The following OPRK1 variants were observed in gnomAD, a reference collection of about 807,000 sequenced individuals.
OPRK1 encodes kappa-type opioid receptor.
Under a neutral mutation model 24.5 loss-of-function variants are expected in OPRK1, and 15 were observed. The observed-to-expected ratio is 0.61, with a 90% CI of 0.41 to 0.94. The LOEUF (loss-of-function observed/expected upper bound fraction) is 0.94. Among genes scored for constraint, OPRK1 ranks in the 40% least tolerant of loss-of-function variants. The pLI, the probability that OPRK1 is intolerant of heterozygous loss-of-function variation, is 0.00. For synonymous variants in OPRK1, 205 were observed against 198.0 expected (o/e 1.04, Z -0.30); for missense variants, 479 against 507.3 (o/e 0.94, Z 0.54).
intron 2 of OPRK1, among the ~76,000 whole-genome samples, chr8:53,238,237 G>C (rs76141583): frequency 0.011 from 1,638 of 152,240 alleles, 7 homozygotes; most frequent in Non-Finnish European, 0.016. Flanking sequence ...GCTATGATAT[G>C]AAATTATTTT....
Position 53,229,359 on chromosome 8 carries a change from G to C in OPRK1, c.1081C>G (p.Arg361Gly). 1 of 1,614,098 alleles carries C rather than the reference G, an allele frequency of 6.2e-7. No homozygotes were observed. Among genetic ancestry groups the C allele is most frequent in the Non-Finnish European group, 8.5e-7 (1 of 1,180,020 alleles). Residue 361 changes from arginine (R) to glycine (G), a missense_variant, in exon 4 of 4, where the codon CGA becomes GGA. Arg to Gly is a moderately radical substitution (Grantham distance 125). Coordinates refer to ENST00000265572, the MANE Select transcript of OPRK1 (RefSeq NM_000912.5). ...TAAGCAGGATCCTGAACTGTATTTCGGACTCTGCTAGTGCTCTGCCGCTCC... is the reference window on the plus strand; with the variant it reads ...TAAGCAGGATCCTGAACTGTATTTCCGACTCTGCTAGTGCTCTGCCGCTCC... ...RMERQSTSRV[R>G]NTVQDPAYLR...
chr8:53,248,076 A>T (rs973969481), intron 2 of OPRK1, among the ~76,000 whole-genome samples: 2 of 149,932 alleles, frequency 1.3e-5, no homozygotes, highest in African/African-American at 2.5e-5. Flanking sequence ...CCAAAGCCTG[A>T]TGAGTGAGGG....
At chr8:53,251,413 T>G in intron 1 of OPRK1, 35 bp downstream of exon 1, 3 of 256,830 alleles carry the variant, frequency 1.2e-5, no homozygotes, top group East Asian at 1.8e-4. Flanking sequence ...CACGGAGCTC[T>G]ACCTAGAACT....
chr8:53,245,022 T>C (rs550831765), intron 2 of OPRK1, among the ~76,000 whole-genome samples: 39 of 152,336 alleles, frequency 2.6e-4, no homozygotes, highest in Non-Finnish European at 4.3e-4. Flanking sequence ...AGATTACTTA[T>C]AATACCTACT....
At chr8:53,232,131 C>A (rs1806868561) in intron 3 of OPRK1, among the ~76,000 whole-genome samples, 1 of 151,528 alleles carries the variant, frequency 6.6e-6, no homozygotes, top group African/African-American at 2.4e-5. Context: ...TCAAGCCAGG[C>A]ACAGAAAGAC....
In OPRK1 at chr8:53,233,919, C is replaced by G. The variant is rs570711045; in HGVS notation, c.610+840G>C. 1.2e-4 allele frequency among the ~76,000 whole-genome samples: 18 copies of G among 152,154 alleles called. No individual in the cohort carries two copies. In the South Asian group the frequency reaches 3.1e-3, roughly 26 times the overall value. On this transcript the variant is annotated intron_variant, in intron 3 of 3. Coordinates refer to ENST00000265572, the MANE Select transcript of OPRK1 (RefSeq NM_000912.5). Reference sequence around the variant, plus strand: ...TACAGGAAAAACATCAACAGGGGGCCGGGCGCAGTGGCTCACGCCTGTAAT... The same window carrying G: ...TACAGGAAAAACATCAACAGGGGGCGGGGCGCAGTGGCTCACGCCTGTAAT...
rs1226635954 is a variant in OPRK1 at position 53,227,410 on chromosome 8, T to C, written c.*1887A>G. ...TTTTCCTGTTCCATAAAGAAGTTTT[T>C]ATATTTCCTATTTCACCAGGGCTTG... On this transcript the variant is annotated 3_prime_UTR_variant, in exon 4 of 4. Transcript: ENST00000265572. 1 of 152,244 alleles carries C rather than the reference T, an allele frequency of 6.6e-6. No individual in the cohort carries two copies. The highest frequency in any genetic ancestry group is 1.9e-4 in the East Asian group (1 of 5,192). The allele number at this position is 152,244 out of a possible 1,614,324, so 9.4% of individuals were successfully genotyped here.
intron 3 of OPRK1, among the ~76,000 whole-genome samples, chr8:53,231,501 A>C (rs977044388): frequency 9.9e-5 from 15 of 152,116 alleles, no homozygotes; most frequent in Admixed American, 9.2e-4. Context: ...TCTGTCTCTT[A>C]AATTGTCCTC....
chr8:53,225,771 G>A lies in OPRK1; in HGVS notation c.*3526C>T, dbSNP rs191507215. The A allele has an allele frequency of 1.0e-4, 16 of 152,682 alleles. No individual in the cohort carries two copies. Among genetic ancestry groups the A allele is most frequent in the Admixed American group, 5.2e-4 (8 of 15,300 alleles). The allele number at this position is 152,682 out of a possible 1,614,324, so 9.5% of individuals were successfully genotyped here. ...TGATTTTATTGCAAGGCACACAATC[G>A]TATATACAATGCATAATTATCATCT... is the stretch of plus-strand genomic sequence containing the variant. On this transcript the variant is annotated 3_prime_UTR_variant, in exon 4 of 4. Transcript: ENST00000265572.
chr8:53,229,635 G>C lies in OPRK1; in HGVS notation c.805C>G (p.Leu269Val). 4 of 1,614,154 alleles carry C rather than the reference G, an allele frequency of 2.5e-6. No individual in the cohort carries two copies. The South Asian group carries it at 4.4e-5, about 18-fold the overall frequency. Residue 269 changes from leucine (L) to valine (V), a missense_variant, in exon 4 of 4, where the codon CTG becomes GTG. Transcript: ENST00000265572. Reference protein sequence around the residue: ...LSGSREKDRNLRRITRLVLVV... With the variant: ...LSGSREKDRNVRRITRLVLVV... The stretch of plus-strand genomic sequence containing the variant: ...AGGACCAGTCTGGTGATCCTACGCA[G>C]GTTGCGATCTTTCTCTCGGGAGCCA...
At chr8:53,238,873 C>G (rs77976650) in intron 2 of OPRK1, 4,002 of 169,632 alleles carry the variant, frequency 0.024, 159 homozygotes, top group African/African-American at 0.091. Context: ...TGGCTGTACT[C>G]AGACAATATG....
chr8:53,250,018 T>C (rs1807331701), intron 2 of OPRK1, among the ~76,000 whole-genome samples: 1 of 152,050 alleles, frequency 6.6e-6, no homozygotes, highest in Non-Finnish European at 1.5e-5. Context: ...AAAATTAGCA[T>C]ATATGTGGAT....
intron 2 of OPRK1, 102 bp downstream of exon 2, chr8:53,250,679 C>T: frequency 1.6e-6 from 2 of 1,242,846 alleles, no homozygotes; most frequent in South Asian, 3.0e-5. Flanking sequence ...AACAGAGTCC[C>T]CACCACCTGG....
intron 2 of OPRK1, among the ~76,000 whole-genome samples, chr8:53,237,597 G>T (rs1563328729): frequency 6.6e-6 from 1 of 152,150 alleles, no homozygotes; most frequent in East Asian, 1.9e-4. Flanking sequence ...TTATTCTATA[G>T]ATGAAGTGAC....
In OPRK1 at chr8:53,241,122, TG is replaced by T. The variant is rs527900679; in HGVS notation, c.258-6012del. Among the ~76,000 whole-genome samples the T allele has an allele frequency of 4.8e-3, 730 of 152,246 alleles. 1 individual carries two copies. The highest frequency in any genetic ancestry group is 8.4e-3 in the Non-Finnish European group (574 of 68,014). ...TGTGAGAATGGAGACTGTGCATGTG[TG>T]GGGGCATGGGGTATATGGGAACTGT... On this transcript the variant is annotated intron_variant, in intron 2 of 3. Coordinates refer to ENST00000265572, the MANE Select transcript of OPRK1 (RefSeq NM_000912.5).
intron 2 of OPRK1, among the ~76,000 whole-genome samples, chr8:53,246,515 T>G (rs73589389): frequency 0.1 from 15,171 of 152,154 alleles, 830 homozygotes; most frequent in South Asian, 0.18. Context: ...AGATGCTTGG[T>G]TATGTTCATG....
At chr8:53,245,260 G>GTGGGCCCCAATCTGATATGAC (rs1429774696) in intron 2 of OPRK1, among the ~76,000 whole-genome samples, 7 of 152,182 alleles carry the variant, frequency 4.6e-5, no homozygotes, top group Non-Finnish European at 1.0e-4. Flanking sequence ...GGCCATATGG[G>GTGGGCCCCAATCTGATATGAC]TGGGCCCCAA....
In OPRK1 at chr8:53,233,920, G is replaced by A. The variant is rs562412523; in HGVS notation, c.610+839C>T. The stretch of plus-strand genomic sequence containing the variant: ...ACAGGAAAAACATCAACAGGGGGCC[G>A]GGCGCAGTGGCTCACGCCTGTAATC... On this transcript the variant is annotated intron_variant, in intron 3 of 3. Coordinates refer to ENST00000265572, the MANE Select transcript of OPRK1 (RefSeq NM_000912.5). Among the ~76,000 whole-genome samples, 12 of 152,206 alleles carry A rather than the reference G, an allele frequency of 7.9e-5. No homozygotes were observed. In the South Asian group the frequency reaches 1.0e-3, roughly 13 times the overall value.
intron 2 of OPRK1, among the ~76,000 whole-genome samples, chr8:53,244,980 G>A (rs888746302): frequency 1.3e-5 from 2 of 152,266 alleles, no homozygotes; most frequent in East Asian, 1.9e-4. Flanking sequence ...TATAACTTAT[G>A]CAGATCCTCC....
Sources: gnomAD v4.1 joint callset for allele counts (sites outside exome capture counted in the v4.1 genomes callset) on GRCh38, gnomAD v4.1.1 for gene constraint, MANE v1.5 for transcripts, NCBI Gene and HGNC (gene_info 2026-07-23, HGNC 2026-07-21) for gene names.